TMC7: variants seen among roughly 807,000 people sequenced by gnomAD.
TMC7 encodes the protein transmembrane channel-like protein 7.
In TMC7, 54 loss-of-function variants were observed where a neutral mutation model predicts 82.9. The ratio of observed to expected loss-of-function variants is 0.65; its 90% CI spans 0.52 to 0.82. The LOEUF is 0.82. TMC7 is among the 40% of genes least tolerant of loss of function. The pLI, the probability that TMC7 is intolerant of heterozygous loss-of-function variation, is 0.00. For synonymous variants in TMC7, 350 were observed against 337.9 expected, an observed-to-expected ratio of 1.04 and a Z score of -0.39; for missense variants, 820 against 901.2, an observed-to-expected ratio of 0.91 and a Z score of 1.15.
chr16:18,996,484 C>T (rs960970263), intron 1 of TMC7, among the ~76,000 whole-genome samples: 7 of 152,108 alleles, frequency 4.6e-5, no homozygotes, highest in Admixed American at 2.6e-4. Context: ...ATAGACAGAT[C>T]GAAAGTGCCA....
At chr16:19,044,574 C>T (rs575882235) in intron 9 of TMC7, among the ~76,000 whole-genome samples, 10 of 151,736 alleles carry the variant, frequency 6.6e-5, no homozygotes, top group African/African-American at 2.4e-4. Flanking sequence ...CCAAGACAGG[C>T]GGATTGCTTG....
chr16:19,005,798 CAT>C lies in TMC7; in HGVS notation c.68-3371_68-3370del, dbSNP rs373692853. Reference sequence around the variant, plus strand: ...TCAGGGACCACACCCACCCTACCCTCATATTGGCTCTAGGGAGCCACTGCCAC... The same window carrying C: ...TCAGGGACCACACCCACCCTACCCTCATTGGCTCTAGGGAGCCACTGCCAC... On this transcript the variant is annotated intron_variant, in intron 1 of 15. Coordinates refer to ENST00000304381, the MANE Select transcript of TMC7 (RefSeq NM_024847.4). Among the ~76,000 whole-genome samples, 18 of 152,302 alleles carry C rather than the reference CAT, an allele frequency of 1.2e-4. No individual in the cohort carries two copies. The East Asian group carries it at 3.3e-3, about 28-fold the overall frequency.
rs1260690257 is a variant in TMC7, at chr16:18,984,155, G to A, written c.67+25G>A. On this transcript the variant is annotated intron_variant, in intron 1 of 15. Coordinates refer to ENST00000304381, the MANE Select transcript of TMC7 (RefSeq NM_024847.4). ...GGTAGGGCGGCAGGGAGCGCGCGCG[G>A]GGACGGTGCCCCTGGGGTCCGAGGG... is the stretch of plus-strand genomic sequence containing the variant. 3 of 1,487,898 alleles carry A rather than the reference G, an allele frequency of 2.0e-6. No individual in the cohort carries two copies. The South Asian group carries it at 3.8e-5, about 19-fold the overall frequency. The allele number at this position is 1,487,898 out of a possible 1,614,324, so 92.2% of individuals were successfully genotyped here. A position where few individuals can be genotyped will look rare whatever the true frequency, so the allele number is the denominator to read the frequency against.
intron 1 of TMC7, among the ~76,000 whole-genome samples, chr16:18,987,195 C>T (rs1402979190): frequency 6.6e-6 from 1 of 152,206 alleles, no homozygotes; most frequent in Non-Finnish European, 1.5e-5. Flanking sequence ...TGAGGCAATG[C>T]ACCCATCTCA....
intron 3 of TMC7, among the ~76,000 whole-genome samples, chr16:19,018,311 A>G (rs1258973485): frequency 1.3e-5 from 2 of 152,228 alleles, no homozygotes; most frequent in Non-Finnish European, 2.9e-5. Context: ...TTGGGCTGCC[A>G]TAACAAAATA....
chr16:19,028,957 A>G (rs1461996555), intron 5 of TMC7, among the ~76,000 whole-genome samples: 1 of 142,360 alleles, frequency 7.0e-6, no homozygotes, highest in Non-Finnish European at 1.5e-5. Context: ...CCCGGCCGAG[A>G]TTTGCACTTT....
At chr16:18,992,047 C>T (rs1417283978) in intron 1 of TMC7, among the ~76,000 whole-genome samples, 8 of 152,134 alleles carry the variant, frequency 5.3e-5, no homozygotes, top group Non-Finnish European at 7.3e-5. Context: ...AATAGTGCCA[C>T]GATAAACATA....
chr16:19,047,391 A>C (rs570457303), intron 12 of TMC7, 142 bp downstream of exon 12: 8 of 746,608 alleles, frequency 1.1e-5, no homozygotes, highest in Non-Finnish European at 1.6e-5. Context: ...TTATTCTAGA[A>C]AAATATTGCT....
intron 13 of TMC7, 79 bp downstream of exon 13, chr16:19,051,895 CACA>C: frequency 1.3e-6 from 2 of 1,541,896 alleles, no homozygotes; most frequent in African/African-American, 1.4e-5. Context: ...TCCGTCATAT[CACA>C]TTTTTTTTTT....
chr16:19,037,848 A>G (rs1960826787), intron 7 of TMC7, 26 bp from the exon 8 acceptor site: 1 of 1,604,300 alleles, frequency 6.2e-7, no homozygotes. Context: ...CCCACTGCTC[A>G]CAAGTGAATT....
chr16:19,017,081 A>G (rs1247907977), intron 3 of TMC7, among the ~76,000 whole-genome samples: 1 of 152,074 alleles, frequency 6.6e-6, no homozygotes, highest in African/African-American at 2.4e-5. Context: ...GCTATTTGGG[A>G]GGCTGAGGCA....
rs1962029513 is a variant in TMC7 at position 19,061,935 on chromosome 16, G to A, written c.*92G>A. On this transcript the variant is annotated 3_prime_UTR_variant, in exon 16 of 16. Coordinates refer to ENST00000304381, the MANE Select transcript of TMC7 (RefSeq NM_024847.4). ...ACAGAGTCTACCTGGGTTTTGAGTG[G>A]ACATTTAAAAATATATTTTTCTTGA... 23 of 1,048,462 alleles carry A rather than the reference G, an allele frequency of 2.2e-5. No homozygotes were observed. The South Asian group carries it at 2.9e-4, about 13-fold the overall frequency. 64.9% of individuals were successfully genotyped at this position (1,048,462 alleles called of 1,614,324 possible).
At chr16:18,995,637 C>A (rs745855186) in intron 1 of TMC7, among the ~76,000 whole-genome samples, 13 of 152,188 alleles carry the variant, frequency 8.5e-5, no homozygotes, top group Non-Finnish European at 1.5e-4. Flanking sequence ...CTGGCCGCTG[C>A]GGTTCAGACG....
intron 1 of TMC7, among the ~76,000 whole-genome samples, chr16:18,995,462 T>C (rs1365512166): frequency 6.6e-6 from 1 of 152,180 alleles, no homozygotes; most frequent in Non-Finnish European, 1.5e-5. Flanking sequence ...CCAGGGGCTC[T>C]GGGAGTGGCT....
rs11864159 is a variant in TMC7 at position 19,056,574 on chromosome 16, C to G, written c.1904C>G (p.Thr635Ser). The change falls in exon 14 of 16, where the codon ACC becomes AGC. Residue 635 changes from threonine (T) to serine (S), a missense_variant. Physicochemically the swap from Thr to Ser is moderately conservative, Grantham distance 58. This residue lies in a region of TMC7 where 170 missense variants were observed against 231.3 expected (regional missense o/e 0.74). Transcript: ENST00000304381. ...IPSSKACGPF[T>S]NFNTTWEVIP... is the part of the protein sequence containing the mutation. ...TCCTCGAAAGCCTGTGGGCCGTTCACCAACTTCAACACCACCTGGGAGGTC... is the reference window on the plus strand; with the variant it reads ...TCCTCGAAAGCCTGTGGGCCGTTCAGCAACTTCAACACCACCTGGGAGGTC... The G allele has an allele frequency of 1.2e-6, 2 of 1,614,106 alleles. No individual in the cohort carries two copies. The highest frequency in any genetic ancestry group is 1.7e-6 in the Non-Finnish European group (2 of 1,180,018).
At chr16:19,011,097 G>A (rs1959310517) in intron 2 of TMC7, among the ~76,000 whole-genome samples, 1 of 152,094 alleles carries the variant, frequency 6.6e-6, no homozygotes, top group Non-Finnish European at 1.5e-5. Context: ...TTTTGGGAGT[G>A]GGTTAAGAGC....
intron 6 of TMC7, among the ~76,000 whole-genome samples, chr16:19,031,114 G>A (rs372247013): frequency 2.6e-5 from 4 of 152,162 alleles, no homozygotes; most frequent in African/African-American, 4.8e-5. Flanking sequence ...AGAATCCCTC[G>A]TCTTCAATTC....
At chr16:19,038,315 C>G (rs1219635118) in intron 8 of TMC7, among the ~76,000 whole-genome samples, 1 of 152,108 alleles carries the variant, frequency 6.6e-6, no homozygotes, top group Admixed American at 6.6e-5. Context: ...CCTGCCTCAG[C>G]CTCCCGAGTA....
intron 9 of TMC7, among the ~76,000 whole-genome samples, chr16:19,042,602 G>A (rs138601826): frequency 4.4e-4 from 66 of 151,684 alleles, no homozygotes; most frequent in African/African-American, 1.5e-3. Context: ...CCGCCTCCCG[G>A]GTTCACGCCA....
Sources: allele counts gnomAD v4.1 joint callset (sites outside exome capture counted in the v4.1 genomes callset), GRCh38; gene constraint gnomAD v4.1.1; regional missense constraint gnomAD v4.1.1; transcripts MANE v1.5; gene names NCBI Gene and HGNC (gene_info 2026-07-23, HGNC 2026-07-21).